The following PTGIS variants were observed in gnomAD, a reference collection of about 807,000 sequenced individuals.
PTGIS encodes the protein prostaglandin I2 synthase.
A neutral mutation model predicts 50.3 loss-of-function variants in PTGIS; 45 were observed. The ratio of observed to expected loss-of-function variants is 0.90; its 90% CI spans 0.70 to 1.15. The LOEUF is 1.15. Among genes scored for constraint, PTGIS ranks in the 50% most tolerant of loss-of-function variants. The pLI is 0.00. For synonymous variants in PTGIS, 260 were observed against 267.7 expected (o/e 0.97, Z 0.28); for missense variants, 668 against 661.3 (o/e 1.01, Z -0.11).
At chr20:49,543,750 G>A (rs952507974) in intron 4 of PTGIS, among the ~76,000 whole-genome samples, 4 of 152,066 alleles carry the variant, frequency 2.6e-5, no homozygotes, top group Non-Finnish European at 4.4e-5. Flanking sequence ...CACCCCACCC[G>A]TGGATCTCTG....
At chr20:49,550,896 T>C (rs977630125) in intron 1 of PTGIS, among the ~76,000 whole-genome samples, 10 of 152,338 alleles carry the variant, frequency 6.6e-5, no homozygotes, top group South Asian at 2.1e-4. Context: ...AAGTTTTTTT[T>C]CCTGCTTTGT....
intron 5 of PTGIS, among the ~76,000 whole-genome samples, chr20:49,528,102 T>C (rs1419521254): frequency 6.6e-6 from 1 of 152,192 alleles, no homozygotes; most frequent in Non-Finnish European, 1.5e-5. Context: ...ATGGAGCCAC[T>C]GCACTCCAGC....
At position 49,524,166 on chromosome 20, in the gene PTGIS, C is replaced by T. The variant is rs1354064411; in HGVS notation, c.747G>A (p.Arg249=). Reference sequence around the variant, plus strand: ...TCTCCAGCCATTTGCTCCGGTGGGCCCGCCTGGCCAGCCTGGCTGGGGATA... The same window carrying T: ...TCTCCAGCCATTTGCTCCGGTGGGCTCGCCTGGCCAGCCTGGCTGGGGATA... ...KLLSPARLAR[R]AHRSKWLESY... is the part of the protein sequence containing the mutation. The change falls in exon 6 of 10, where the codon CGG becomes CGA. Residue 249 remains arginine (R), a synonymous_variant. Coordinates refer to ENST00000244043, the MANE Select transcript of PTGIS (RefSeq NM_000961.4). 1 of 1,614,208 alleles carries T rather than the reference C, an allele frequency of 6.2e-7. No homozygotes were observed. Among genetic ancestry groups the T allele is most frequent in the East Asian group, 2.2e-5 (1 of 44,878 alleles).
At position 49,524,157 on chromosome 20, in the gene PTGIS, C is replaced by A. The variant is rs2051918632; in HGVS notation, c.756G>T (p.Arg252=). 4 of 1,614,118 alleles carry A rather than the reference C, an allele frequency of 2.5e-6. No homozygotes were observed. In the African/African-American group the frequency reaches 5.3e-5, roughly 22 times the overall value. The change falls in exon 6 of 10, where the codon CGG becomes CGT. Residue 252 remains arginine (R), a synonymous_variant. Coordinates refer to ENST00000244043, the MANE Select transcript of PTGIS (RefSeq NM_000961.4). ...SPARLARRAH[R]SKWLESYLLH... is the part of the protein sequence containing the mutation. ...GCAGGTAACTCTCCAGCCATTTGCT[C>A]CGGTGGGCCCGCCTGGCCAGCCTGG...
intron 5 of PTGIS, among the ~76,000 whole-genome samples, chr20:49,538,794 G>C (rs1274650963): frequency 6.6e-6 from 1 of 151,860 alleles, no homozygotes; most frequent in Non-Finnish European, 1.5e-5. Context: ...AAGCTATTCT[G>C]CCTCAGCTTC....
At chr20:49,518,619 A>G (rs1302307734) in intron 6 of PTGIS, among the ~76,000 whole-genome samples, 1 of 151,872 alleles carries the variant, frequency 6.6e-6, no homozygotes, top group Non-Finnish European at 1.5e-5. Context: ...CAACTCTTTT[A>G]TAATCTAAAA....
intron 2 of PTGIS, among the ~76,000 whole-genome samples, chr20:49,549,720 G>A (rs1024660434): frequency 1.3e-5 from 2 of 152,176 alleles, no homozygotes; most frequent in African/African-American, 4.8e-5. Flanking sequence ...ACACCAGGTG[G>A]ACAGGCAGAA....
At chr20:49,526,993 C>T (rs1981808427) in intron 5 of PTGIS, among the ~76,000 whole-genome samples, 1 of 152,104 alleles carries the variant, frequency 6.6e-6, no homozygotes, top group Non-Finnish European at 1.5e-5. Flanking sequence ...AGAACTGAAA[C>T]CAGAGACTCA....
chr20:49,542,491 C>T (rs187201339), intron 4 of PTGIS, among the ~76,000 whole-genome samples: 17 of 152,302 alleles, frequency 1.1e-4, no homozygotes, highest in Admixed American at 2.0e-4. Flanking sequence ...CTGTGCCTGC[C>T]GCTGTACCAT....
intron 7 of PTGIS, 99 bp downstream of exon 7, chr20:49,514,128 T>C (rs1300612022): frequency 6.9e-7 from 1 of 1,456,580 alleles, no homozygotes; most frequent in African/African-American, 1.4e-5. Flanking sequence ...GAGGACACAC[T>C]GATGGACCCT....
chr20:49,529,367 T>G (rs1231362139), intron 5 of PTGIS, among the ~76,000 whole-genome samples: 1 of 152,206 alleles, frequency 6.6e-6, no homozygotes, highest in East Asian at 1.9e-4. Flanking sequence ...GTATTTGATT[T>G]TCTGTGTCTG....
At chr20:49,523,505 A>C (rs1269224388) in intron 6 of PTGIS, among the ~76,000 whole-genome samples, 1 of 151,964 alleles carries the variant, frequency 6.6e-6, no homozygotes, top group Non-Finnish European at 1.5e-5. Flanking sequence ...AAAACAAAAA[A>C]CAAAAAGAAG....
chr20:49,540,572 C>G lies in PTGIS; in HGVS notation c.522-851G>C, dbSNP rs1282746219. 6.6e-6 allele frequency among the ~76,000 whole-genome samples: 1 copy of G among 152,016 alleles called. No homozygotes were observed. Among genetic ancestry groups the G allele is most frequent in the African/African-American group, 2.4e-5 (1 of 41,366 alleles). On this transcript the variant is annotated intron_variant, in intron 4 of 9. Coordinates refer to ENST00000244043, the MANE Select transcript of PTGIS (RefSeq NM_000961.4). This position sits in a 1 kb window ranked among gnomAD's most constrained non-coding sequence, Gnocchi z 4.8. ...TTGATCTGAGGGGCTCTGGGAGGCC[C>G]GAGAAGGAGGTCAGGGCCTGGTCAA... is the stretch of plus-strand genomic sequence containing the variant.
chr20:49,544,954 T>A (rs984802121), intron 3 of PTGIS, among the ~76,000 whole-genome samples: 1 of 152,202 alleles, frequency 6.6e-6, no homozygotes, highest in African/African-American at 2.4e-5. Flanking sequence ...AGCTGTGGTG[T>A]TCCCTGACTC....
chr20:49,536,851 C>T (rs1170081417), intron 5 of PTGIS, among the ~76,000 whole-genome samples: 2 of 152,118 alleles, frequency 1.3e-5, no homozygotes, highest in Admixed American at 1.3e-4. Flanking sequence ...GCTGTTCCCC[C>T]CATTTTGCAG....
At chr20:49,548,074 T>G (rs774153422) in intron 2 of PTGIS, 55 bp from the exon 3 acceptor site, 120 of 1,545,296 alleles carry the variant, frequency 7.8e-5, no homozygotes, top group Non-Finnish European at 1.0e-4. Context: ...CAGCAGCCGC[T>G]CTCAGTGGTC....
chr20:49,558,891 T>G (rs1412831359), intron 1 of PTGIS, among the ~76,000 whole-genome samples: 1 of 152,086 alleles, frequency 6.6e-6, no homozygotes, highest in African/African-American at 2.4e-5. Flanking sequence ...TTTTGTATTT[T>G]TAGTAGAGAC....
At chr20:49,548,311 C>CA (rs1568682877) in intron 2 of PTGIS, among the ~76,000 whole-genome samples, 4 of 152,184 alleles carry the variant, frequency 2.6e-5, no homozygotes, top group African/African-American at 7.2e-5. Flanking sequence ...TTTTTAAAAT[C>CA]AAAGACTGTG....
chr20:49,522,746 C>T (rs754884085), intron 6 of PTGIS, among the ~76,000 whole-genome samples: 17 of 152,164 alleles, frequency 1.1e-4, no homozygotes, highest in South Asian at 4.1e-4. Context: ...GAAAATGGGT[C>T]GGGTGCAGTG....
Sources: gnomAD v4.1 joint callset for allele counts (sites outside exome capture counted in the v4.1 genomes callset) on GRCh38, gnomAD v4.1.1 for gene constraint, Gnocchi (gnomAD v3.1) non-coding constraint, MANE v1.5 for transcripts, NCBI Gene and HGNC (gene_info 2026-07-23, HGNC 2026-07-21) for gene names.